GSK3B: variants seen among roughly 807,000 people sequenced by gnomAD.
The protein encoded by GSK3B is glycogen synthase kinase-3 beta.
Under a neutral mutation model 56.4 loss-of-function variants are expected in GSK3B, and 15 were observed. The ratio of observed to expected loss-of-function variants is 0.27; its 90% CI spans 0.18 to 0.41. GSK3B has a LOEUF of 0.41. Among genes scored for constraint, GSK3B ranks in the 10% least tolerant of loss-of-function variants. The pLI is 1.00. For missense variants in GSK3B, 300 were observed against 513.4 expected (o/e 0.58, Z 4.02); for synonymous variants, 181 against 188.9 (o/e 0.96, Z 0.34).
intron 7 of GSK3B, among the ~76,000 whole-genome samples, chr3:119,887,251 C>T (rs1431020462): frequency 6.6e-6 from 1 of 151,980 alleles, no homozygotes; most frequent in Non-Finnish European, 1.5e-5. Flanking sequence ...AAATAACGAA[C>T]ACTGAAACTG....
In GSK3B at chr3:119,959,099, T is replaced by C. The variant is rs369861009; in HGVS notation, c.283-11748A>G. On this transcript the variant is annotated intron_variant, in intron 2 of 10. Coordinates refer to ENST00000264235, the MANE Select transcript of GSK3B (RefSeq NM_001146156.2). ...AATTACTTTCCAGGACACTAAATTA[T>C]CTTGCTTTTTAATCCTTCCTCATTG... is the stretch of plus-strand genomic sequence containing the variant. Among the ~76,000 whole-genome samples, 8 of 152,312 alleles carry C rather than the reference T, an allele frequency of 5.3e-5. No individual in the cohort carries two copies. In the East Asian group the frequency reaches 7.7e-4, roughly 15 times the overall value.
At chr3:119,862,667 G>GTTTTTTTTTTTT (rs79778347) in intron 9 of GSK3B, among the ~76,000 whole-genome samples, 3 of 110,390 alleles carry the variant, frequency 2.7e-5, no homozygotes, top group East Asian at 2.8e-4. Flanking sequence ...ACTATTTCTT[G>GTTTTTTTTTTTT]TTTTTTTTTT....
At chr3:119,921,678 G>A (rs186251872) in intron 4 of GSK3B, among the ~76,000 whole-genome samples, 231 of 152,076 alleles carry the variant, frequency 1.5e-3, no homozygotes, top group Middle Eastern at 3.4e-3. Context: ...AACATTAGAG[G>A]CACATCAGCC....
intron 4 of GSK3B, among the ~76,000 whole-genome samples, chr3:119,921,136 A>T (rs1461524690): frequency 1.3e-5 from 2 of 152,268 alleles, no homozygotes; most frequent in Admixed American, 1.3e-4. Flanking sequence ...ACTTTAAAAC[A>T]ACAAAACACC....
At chr3:120,061,890 G>A (rs959787881) in intron 1 of GSK3B, among the ~76,000 whole-genome samples, 6 of 152,012 alleles carry the variant, frequency 3.9e-5, no homozygotes, top group Admixed American at 2.0e-4. Flanking sequence ...GTGCTACCAC[G>A]CGCAGCTAAT....
At chr3:119,841,965 G>C (rs181556544) in intron 10 of GSK3B, among the ~76,000 whole-genome samples, 218 of 152,196 alleles carry the variant, frequency 1.4e-3, no homozygotes, top group Non-Finnish European at 1.5e-3. Flanking sequence ...AACTAGTAAT[G>C]AAAGATTTTA....
intron 9 of GSK3B, among the ~76,000 whole-genome samples, chr3:119,861,338 C>T (rs1378426367): frequency 6.6e-6 from 1 of 152,012 alleles, no homozygotes; most frequent in African/African-American, 2.4e-5. Context: ...TGGCGAAACC[C>T]CGTCTCTACT....
At chr3:120,036,186 T>C (rs2058021015) in intron 1 of GSK3B, among the ~76,000 whole-genome samples, 1 of 152,234 alleles carries the variant, frequency 6.6e-6, no homozygotes. Context: ...AATGTACTTT[T>C]TAACATATCT....
intron 1 of GSK3B, among the ~76,000 whole-genome samples, chr3:120,066,402 G>A (rs188904802): frequency 3.9e-5 from 6 of 152,204 alleles, no homozygotes; most frequent in Admixed American, 2.6e-4. Flanking sequence ...CCAACATGAC[G>A]GGGCTCACAT....
intron 1 of GSK3B, among the ~76,000 whole-genome samples, chr3:120,005,885 CAGCT>C (rs924621480): frequency 6.6e-6 from 1 of 152,054 alleles, no homozygotes; most frequent in African/African-American, 2.4e-5. Flanking sequence ...GCAAAATAAC[CAGCT>C]AGCATCATAA....
chr3:120,086,891 T>C (rs950855206), intron 1 of GSK3B, among the ~76,000 whole-genome samples: 2 of 152,172 alleles, frequency 1.3e-5, no homozygotes, highest in Admixed American at 1.3e-4. Flanking sequence ...ATACCCTACA[T>C]ACACTAAGTA....
intron 9 of GSK3B, among the ~76,000 whole-genome samples, chr3:119,857,386 A>G (rs1233985499): frequency 1.3e-5 from 2 of 152,176 alleles, no homozygotes; most frequent in Non-Finnish European, 2.9e-5. Context: ...AAGATTATGG[A>G]ATATTCTAAA....
chr3:120,051,162 A>C lies in GSK3B; in HGVS notation c.88+42185T>G, dbSNP rs2058146042. 2.0e-5 allele frequency among the ~76,000 whole-genome samples: 3 copies of C among 150,872 alleles called. No individual in the cohort carries two copies. The South Asian group carries it at 6.3e-4, about 32-fold the overall frequency. On this transcript the variant is annotated intron_variant, in intron 1 of 10. Transcript: ENST00000264235. ...TTTTTTAATGATGGAGAAAAAAATC[A>C]GTGGGCAAGCAAGAGAACAGGACGT...
rs2058264863 is a variant in GSK3B at position 120,064,628 on chromosome 3, A to ATGT, written c.88+28718_88+28719insACA. Among the ~76,000 whole-genome samples, 65 of 152,282 alleles carry ATGT rather than the reference A, an allele frequency of 4.3e-4. 2 individuals are homozygous for ATGT. The highest frequency in any genetic ancestry group is 3.3e-3 in the Admixed American group (51 of 15,298). On this transcript the variant is annotated intron_variant, in intron 1 of 10. Coordinates refer to ENST00000264235, the MANE Select transcript of GSK3B (RefSeq NM_001146156.2). The stretch of plus-strand genomic sequence containing the variant: ...CAACTCAATCCCTACCAAAATCCCA[A>ATGT]AGGCCTTTTCTGCAGAAATGAAAAA...
At chr3:119,940,999 C>T (rs973585967) in intron 3 of GSK3B, among the ~76,000 whole-genome samples, 1 of 151,196 alleles carries the variant, frequency 6.6e-6, no homozygotes, top group Middle Eastern at 3.2e-3. Flanking sequence ...TCTAGTACTG[C>T]AACTATTACT....
At chr3:120,051,805 T>C (rs10934506) in intron 1 of GSK3B, among the ~76,000 whole-genome samples, 36,452 of 151,388 alleles carry the variant, frequency 0.24, 4,802 homozygotes, top group East Asian at 0.48. Context: ...TTGGTATGAC[T>C]GCAGATATGA....
At chr3:119,845,185 A>G (rs552331595) in intron 9 of GSK3B, among the ~76,000 whole-genome samples, 1 of 152,342 alleles carries the variant, frequency 6.6e-6, no homozygotes, top group Admixed American at 6.5e-5. Context: ...GCTATTTATG[A>G]CAAACCCACA....
intron 1 of GSK3B, among the ~76,000 whole-genome samples, chr3:120,088,785 C>T (rs962876383): frequency 1.6e-4 from 25 of 152,232 alleles, no homozygotes; most frequent in Admixed American, 1.6e-3. Flanking sequence ...CCCACACAAG[C>T]GTTCTGCCCC....
intron 3 of GSK3B, among the ~76,000 whole-genome samples, chr3:119,935,761 C>A (rs1196592107): frequency 6.6e-6 from 1 of 152,060 alleles, no homozygotes; most frequent in African/African-American, 2.4e-5. Flanking sequence ...GCCAGTATTA[C>A]CCAATACTAA....
Sources: allele counts gnomAD v4.1 joint callset (sites outside exome capture counted in the v4.1 genomes callset), GRCh38; gene constraint gnomAD v4.1.1; transcripts MANE v1.5; gene names NCBI Gene and HGNC (gene_info 2026-07-23, HGNC 2026-07-21).